LRRN1: variants seen among roughly 807,000 people sequenced by gnomAD.
LRRN1 encodes leucine-rich repeat neuronal protein 1.
LRRN1 carries 14 observed loss-of-function variants against 45.8 expected under a neutral mutation model. The ratio of observed to expected loss-of-function variants is 0.31; its 90% confidence interval spans 0.20 to 0.48. The LOEUF (loss-of-function observed/expected upper bound fraction) is 0.48. Among genes scored for constraint, LRRN1 ranks in the 20% least tolerant of loss-of-function variants. The pLI, the probability that LRRN1 is intolerant of heterozygous loss-of-function variation, is 0.99. For synonymous variants in LRRN1, 359 were observed against 330.1 expected (o/e 1.09, Z -0.95); for missense variants, 789 against 874.2 (o/e 0.90, Z 1.23).
intron 1 of LRRN1, among the ~76,000 whole-genome samples, chr3:3,808,228 A>G (rs1281766991): frequency 6.6e-6 from 1 of 152,096 alleles, no homozygotes; most frequent in Non-Finnish European, 1.5e-5. Context: ...ATTTTTCCTA[A>G]CGTAGCATAC....
Position 3,845,214 on chromosome 3 carries a change from C to G in LRRN1, c.573C>G (p.Pro191=). Reference sequence around the variant, plus strand: ...ATAGTCGCTGGTTTGATTCTACACCCAACCTGGAAATTCTCATGATCGGAG... The same window carrying G: ...ATAGTCGCTGGTTTGATTCTACACCGAACCTGGAAATTCTCATGATCGGAG... ...VIDSRWFDST[P]NLEILMIGEN... The change falls in exon 2 of 2, where the codon CCC becomes CCG. Residue 191 remains proline (P), a synonymous_variant. Coordinates refer to ENST00000319331, the MANE Select transcript of LRRN1 (RefSeq NM_020873.7). This position sits in a 1 kb window ranked among gnomAD's most constrained non-coding sequence, Gnocchi z 6.5. The G allele has an allele frequency of 6.2e-7, 1 of 1,614,172 alleles. No individual in the cohort carries two copies. The highest frequency in any genetic ancestry group is 2.2e-5 in the East Asian group (1 of 44,888).
At chr3:3,838,731 G>T (rs970841599) in intron 1 of LRRN1, among the ~76,000 whole-genome samples, 1 of 151,986 alleles carries the variant, frequency 6.6e-6, no homozygotes, top group Non-Finnish European at 1.5e-5. Context: ...TGAGTATGAG[G>T]TGATATTTCA....
At chr3:3,814,745 CTT>C (rs1692954179) in intron 1 of LRRN1, among the ~76,000 whole-genome samples, 2 of 152,112 alleles carry the variant, frequency 1.3e-5, no homozygotes, top group African/African-American at 4.8e-5. Context: ...TCAGTTTTGT[CTT>C]TGCCCCCTTC....
At chr3:3,843,596 C>T (rs1693692603) in intron 1 of LRRN1, among the ~76,000 whole-genome samples, 3 of 149,262 alleles carry the variant, frequency 2.0e-5, no homozygotes, top group Non-Finnish European at 4.5e-5. Context: ...TGGCCATAGG[C>T]AACTACTAAA....
At chr3:3,825,757 G>T (rs1419925332) in intron 1 of LRRN1, among the ~76,000 whole-genome samples, 1 of 152,074 alleles carries the variant, frequency 6.6e-6, no homozygotes, top group Non-Finnish European at 1.5e-5. Flanking sequence ...ATGAATTTTT[G>T]GAAATGTAAT....
chr3:3,841,060 G>A (rs1693641489), intron 1 of LRRN1, among the ~76,000 whole-genome samples: 2 of 152,152 alleles, frequency 1.3e-5, no homozygotes, highest in Non-Finnish European at 1.5e-5. Context: ...AGCACTTTGG[G>A]AGGCCGAAGT....
Position 3,822,328 on chromosome 3 carries a change from T to G in LRRN1, c.-278-22036T>G, listed in dbSNP as rs139835589. On this transcript the variant is annotated intron_variant, in intron 1 of 1. Transcript: ENST00000319331. ...AACTACCCTGCAATTAACATTAAGATGTAAAAAATTAGGTGTCTGCAAGGT... is the reference window on the plus strand; with the variant it reads ...AACTACCCTGCAATTAACATTAAGAGGTAAAAAATTAGGTGTCTGCAAGGT... Among the ~76,000 whole-genome samples, 850 of 152,314 alleles carry G rather than the reference T, an allele frequency of 5.6e-3. 9 individuals carry two copies. The highest frequency in any genetic ancestry group is 0.02 in the African/African-American group (820 of 41,578).
In LRRN1 at chr3:3,847,781, T is replaced by C. The variant is rs1693808738; in HGVS notation, c.*989T>C. 1 of 166,692 alleles carries C rather than the reference T, an allele frequency of 6.0e-6. No individual in the cohort carries two copies. Among genetic ancestry groups the C allele is most frequent in the African/African-American group, 2.4e-5 (1 of 41,580 alleles). 10.3% of individuals were successfully genotyped at this position (166,692 alleles called of 1,614,324 possible). On this transcript the variant is annotated 3_prime_UTR_variant, in exon 2 of 2. Coordinates refer to ENST00000319331, the MANE Select transcript of LRRN1 (RefSeq NM_020873.7). ...CTTTTTCTAAGGGAAGAAATGTCTA[T>C]TTTAATTAAGATATTTTAATGAACA...
chr3:3,806,989 C>A (rs1473794701), intron 1 of LRRN1, among the ~76,000 whole-genome samples: 2 of 152,198 alleles, frequency 1.3e-5, no homozygotes, highest in African/African-American at 4.8e-5. Flanking sequence ...CTAGTGTCTT[C>A]CACTCAGATG....
chr3:3,818,461 T>G (rs1173623195), intron 1 of LRRN1, among the ~76,000 whole-genome samples: 1 of 152,212 alleles, frequency 6.6e-6, no homozygotes, highest in African/African-American at 2.4e-5. Context: ...AATGTTAAAT[T>G]GCCACTTTCA....
chr3:3,812,942 C>T (rs1035470942), intron 1 of LRRN1, among the ~76,000 whole-genome samples: 2 of 152,032 alleles, frequency 1.3e-5, no homozygotes, highest in South Asian at 2.1e-4. Context: ...ATTTTCTGCT[C>T]CTCATAACCT....
At chr3:3,833,891 C>G (rs144309656) in intron 1 of LRRN1, among the ~76,000 whole-genome samples, 2 of 152,306 alleles carry the variant, frequency 1.3e-5, no homozygotes, top group African/African-American at 4.8e-5. Context: ...TCCCACACAT[C>G]CCCATTCCAA....
At chr3:3,842,190 G>A (rs958959431) in intron 1 of LRRN1, among the ~76,000 whole-genome samples, 1 of 152,084 alleles carries the variant, frequency 6.6e-6, no homozygotes, top group African/African-American at 2.4e-5. Context: ...GACTACCATT[G>A]TATATGCGGT....
At chr3:3,835,584 A>AT (rs59300921) in intron 1 of LRRN1, among the ~76,000 whole-genome samples, 26,152 of 135,150 alleles carry the variant, frequency 0.19, 2,523 homozygotes, top group Admixed American at 0.24. Flanking sequence ...GAGCTGCCTG[A>AT]TTTTTTTTTT....
intron 1 of LRRN1, among the ~76,000 whole-genome samples, chr3:3,805,220 A>G (rs1221371601): frequency 1.3e-5 from 2 of 152,350 alleles, no homozygotes; most frequent in East Asian, 1.9e-4. Context: ...CACAGAAAGA[A>G]TCATCCTTTA....
In LRRN1 at chr3:3,846,878, G is replaced by T; in HGVS notation, c.*86G>T. On this transcript the variant is annotated 3_prime_UTR_variant, in exon 2 of 2. Transcript: ENST00000319331. This position sits in a 1 kb window ranked among gnomAD's most constrained non-coding sequence, Gnocchi z 5.7. ...AAAAGTGAACAAGTTGAAGACTTTT[G>T]TATTTTTGACTTTGCTAGTTTGTGG... 1 of 1,185,908 alleles carries T rather than the reference G, an allele frequency of 8.4e-7. No homozygotes were observed. Among genetic ancestry groups the T allele is most frequent in the South Asian group, 1.6e-5 (1 of 61,606 alleles). 73.5% of individuals were successfully genotyped at this position (1,185,908 alleles called of 1,614,324 possible).
intron 1 of LRRN1, among the ~76,000 whole-genome samples, chr3:3,809,500 A>G (rs1341948730): frequency 6.6e-6 from 1 of 152,226 alleles, no homozygotes; most frequent in East Asian, 1.9e-4. Context: ...ATTAAAAGCT[A>G]CTACTTGAGA....
In LRRN1 at chr3:3,846,380, A is replaced by T. The variant is rs1693779007; in HGVS notation, c.1739A>T (p.Glu580Val). The T allele has an allele frequency of 6.2e-7, 1 of 1,613,864 alleles. No homozygotes were observed. The highest frequency in any genetic ancestry group is 1.7e-5 in the Admixed American group (1 of 60,022). ...YTARVPVDVH[E>V]YNLTHLQPST... is the part of the protein sequence containing the mutation. ...GCCAGGGTCCCAGTCGATGTCCATG[A>T]ATACAACCTAACGCATCTGCAGCCT... The change falls in exon 2 of 2, where the codon GAA (glutamate) becomes GTA (valine). Residue 580 changes from glutamate to valine, a missense_variant. Glu to Val is a moderately radical substitution (Grantham distance 121). Transcript: ENST00000319331. This position sits in a 1 kb window ranked among gnomAD's most constrained non-coding sequence, Gnocchi z 5.7.
intron 1 of LRRN1, among the ~76,000 whole-genome samples, chr3:3,832,222 T>C (rs145302074): frequency 2.8e-3 from 419 of 152,322 alleles, no homozygotes; most frequent in Non-Finnish European, 4.3e-3. Flanking sequence ...CTGCAATTGC[T>C]CCAGGATGCA....
Sources: allele counts gnomAD v4.1 joint callset (sites outside exome capture counted in the v4.1 genomes callset), GRCh38; gene constraint gnomAD v4.1.1; non-coding constraint Gnocchi (gnomAD v3.1); transcripts MANE v1.5; gene names NCBI Gene and HGNC (gene_info 2026-07-23, HGNC 2026-07-21).